TTLL1: variants seen among roughly 807,000 people sequenced by gnomAD.
TTLL1 encodes the protein polyglutamylase complex subunit TTLL1.
TTLL1 carries 33 observed loss-of-function variants against 47.8 expected under a neutral mutation model. That is an observed-to-expected ratio of 0.69 (90% CI 0.52 to 0.92). TTLL1 has a LOEUF of 0.92. Ranked by LOEUF, TTLL1 falls within the 40% of genes least tolerant of loss-of-function variation. The pLI is 0.00. For missense variants in TTLL1, 488 were observed against 547.5 expected, an observed-to-expected ratio of 0.89 and a Z score of 1.08; for synonymous variants, 225 against 214.1, an observed-to-expected ratio of 1.05 and a Z score of -0.45.
At position 43,066,266 on chromosome 22, in the gene TTLL1, T is replaced by C. The variant is rs191496283; in HGVS notation, c.504-1942A>G. On this transcript the variant is annotated intron_variant, in intron 5 of 10. Coordinates refer to ENST00000266254, the MANE Select transcript of TTLL1 (RefSeq NM_012263.5). ...GCAACACGCTCCCGGCCTCTCACTG[T>C]GAGGGGCTGGGTCATCAGGAAGGAA... 6.6e-5 allele frequency among the ~76,000 whole-genome samples: 10 copies of C among 151,284 alleles called. No homozygotes were observed. In the East Asian group the frequency reaches 9.7e-4, roughly 15 times the overall value.
chr22:43,051,866 G>A lies in TTLL1; in HGVS notation c.913C>T (p.His305Tyr). Residue 305 changes from histidine to tyrosine, a missense_variant, in exon 9 of 11, where the codon CAC becomes TAC. Physicochemically the swap from His to Tyr is moderately conservative, Grantham distance 83. Coordinates refer to ENST00000266254, the MANE Select transcript of TTLL1 (RefSeq NM_012263.5). ...TCGTAGCCATAGCATTCAAAGCAGT[G>A]CTTGTCATTGTTCATCACCGGCTGG... ...AVAPVMNNDK[H>Y]CFECYGYDII... 6.2e-7 allele frequency: 1 copy of A among 1,613,980 alleles called. No homozygotes were observed. The highest frequency in any genetic ancestry group is 8.5e-7 in the Non-Finnish European group (1 of 1,179,986).
Position 43,069,618 on chromosome 22 carries a change from G to A in TTLL1, c.322+18C>T, listed in dbSNP as rs770858586. The A allele has an allele frequency of 1.7e-5, 28 of 1,613,818 alleles. No homozygotes were observed. The highest frequency in any genetic ancestry group is 6.7e-5 in the Admixed American group (4 of 59,956). Reference sequence around the variant, plus strand: ...CAGCTGTTTACTGAAAACATGAGCCGGTGGAAGACGCACAAACCCAGATAG... The same window carrying A: ...CAGCTGTTTACTGAAAACATGAGCCAGTGGAAGACGCACAAACCCAGATAG... On this transcript the variant is annotated intron_variant, in intron 4 of 10. Coordinates refer to ENST00000266254, the MANE Select transcript of TTLL1 (RefSeq NM_012263.5).
At chr22:43,052,169 C>T (rs1926684233) in intron 8 of TTLL1, 6 of 427,602 alleles carry the variant, frequency 1.4e-5, no homozygotes, top group Admixed American at 1.0e-4. Flanking sequence ...CCTCTGTTGG[C>T]GTGAGACTGT....
At chr22:43,077,845 G>A (rs146465596) in intron 2 of TTLL1, among the ~76,000 whole-genome samples, 3,306 of 152,238 alleles carry the variant, frequency 0.022, 141 homozygotes, top group African/African-American at 0.075. Flanking sequence ...GGTGGCTCAC[G>A]CCTATAATCC....
At chr22:43,051,107 C>T (rs1053441730) in intron 9 of TTLL1, among the ~76,000 whole-genome samples, 2 of 152,218 alleles carry the variant, frequency 1.3e-5, no homozygotes, top group Admixed American at 6.5e-5. Flanking sequence ...GTTGGGAGGG[C>T]GTGCAGGGAG....
At position 43,039,872 on chromosome 22, in the gene TTLL1, A is replaced by G. The variant is rs1419341204; in HGVS notation, c.1176T>C (p.Ala392=). 8 of 1,613,878 alleles carry G rather than the reference A, an allele frequency of 5.0e-6. No homozygotes were observed. In the East Asian group the frequency reaches 1.8e-4, roughly 36 times the overall value. Reference sequence around the variant, plus strand: ...CCTGACGGCTTCTCAGCTCCCGGTCAGCCCCGTCACCCTGGGCCAATTCTT... The same window carrying G: ...CCTGACGGCTTCTCAGCTCCCGGTCGGCCCCGTCACCCTGGGCCAATTCTT... ...YDEELAQGDG[A]DRELRSRQGQ... The change falls in exon 11 of 11, where the codon GCT becomes GCC. Residue 392 remains alanine (A), a synonymous_variant. Coordinates refer to ENST00000266254, the MANE Select transcript of TTLL1 (RefSeq NM_012263.5).
rs1167618669 is a variant in TTLL1 at position 43,088,324 on chromosome 22, C to CTTTTTTTTTTTTTT, written c.-90+939_-90+952dup. On this transcript the variant is annotated intron_variant, in intron 1 of 10. Coordinates refer to ENST00000266254, the MANE Select transcript of TTLL1 (RefSeq NM_012263.5). ...AATTTGAGGGCAGAGAAGGGCCCAT[C>CTTTTTTTTTTTTTT]TTTTTTTTTTTTTTTTTTTTTTTTT... Among the ~76,000 whole-genome samples, 14 of 56,490 alleles carry CTTTTTTTTTTTTTT rather than the reference C, an allele frequency of 2.5e-4. 1 individual carries two copies. The highest frequency in any genetic ancestry group is 1.0e-3 in the African/African-American group (14 of 13,662). 37.1% of individuals were successfully genotyped at this position (56,490 alleles called of 152,430 possible). A position where few individuals can be genotyped will look rare whatever the true frequency, so the allele number is the denominator to read the frequency against.
chr22:43,059,574 G>T, intron 7 of TTLL1, 47 bp from the exon 8 acceptor site: 2 of 1,575,750 alleles, frequency 1.3e-6, no homozygotes, highest in South Asian at 1.2e-5. Flanking sequence ...ATGCACCCCA[G>T]AGGAACCCAG....
At chr22:43,063,160 G>C (rs144779499) in intron 7 of TTLL1, among the ~76,000 whole-genome samples, 86 of 152,262 alleles carry the variant, frequency 5.6e-4, no homozygotes, top group South Asian at 3.7e-3. Context: ...TCCTCCCACA[G>C]TCCCGCCAGG....
At position 43,064,344 on chromosome 22, in the gene TTLL1, T is replaced by C; in HGVS notation, c.504-20A>G. The C allele has an allele frequency of 1.2e-6, 2 of 1,602,738 alleles. No individual in the cohort carries two copies. Among genetic ancestry groups the C allele is most frequent in the Non-Finnish European group, 1.7e-6 (2 of 1,175,120 alleles). ...ACAAACCTAAACATGGCAGAGAAAG[T>C]AAAAATTAGATGGTAAAAGATGCAA... On this transcript the variant is annotated intron_variant, in intron 5 of 10. Coordinates refer to ENST00000266254, the MANE Select transcript of TTLL1 (RefSeq NM_012263.5).
At chr22:43,070,126 A>G (rs1248163619) in intron 3 of TTLL1, 2 of 1,395,288 alleles carry the variant, frequency 1.4e-6, no homozygotes, top group Non-Finnish European at 2.0e-6. Flanking sequence ...TTGATTAGTG[A>G]TAACACGGAT....
intron 2 of TTLL1, among the ~76,000 whole-genome samples, chr22:43,077,759 T>C (rs1392439650): frequency 1.3e-5 from 2 of 152,126 alleles, no homozygotes; most frequent in African/African-American, 2.4e-5. Flanking sequence ...CTCCCCACCC[T>C]GGCAACCCCC....
intron 10 of TTLL1, 136 bp downstream of exon 10, chr22:43,046,273 TC>T: frequency 1.1e-6 from 1 of 896,020 alleles, no homozygotes; most frequent in South Asian, 1.8e-5. Flanking sequence ...ACAAGATCTA[TC>T]CCATCATGTC....
chr22:43,050,348 G>A (rs5759119), intron 9 of TTLL1, among the ~76,000 whole-genome samples: 12,099 of 151,214 alleles, frequency 0.08, 836 homozygotes, highest in East Asian at 0.41. Flanking sequence ...CCCGGGAGGC[G>A]GAGGTTGCAG....
At position 43,082,865 on chromosome 22, in the gene TTLL1, T is replaced by A. The variant is rs187926201; in HGVS notation, c.-89-2879A>T. 1.2e-4 allele frequency among the ~76,000 whole-genome samples: 18 copies of A among 150,458 alleles called. No homozygotes were observed. The Middle Eastern group carries it at 0.01, about 87-fold the overall frequency. On this transcript the variant is annotated intron_variant, in intron 1 of 10. Transcript: ENST00000266254. The stretch of plus-strand genomic sequence containing the variant: ...CCCGTCTCTACTAAAAATACAAAAA[T>A]TAGCTGGGCATGGTGGCGGGCGCCT...
At chr22:43,062,391 T>A (rs1301968499) in intron 7 of TTLL1, among the ~76,000 whole-genome samples, 1 of 151,116 alleles carries the variant, frequency 6.6e-6, no homozygotes, top group Admixed American at 6.6e-5. Context: ...CTCAGGAGGC[T>A]GAGGCAGGAG....
intron 8 of TTLL1, among the ~76,000 whole-genome samples, chr22:43,057,153 C>A (rs1036144257): frequency 8.6e-5 from 13 of 151,978 alleles, no homozygotes; most frequent in African/African-American, 2.7e-4. Context: ...GCCTGTAATC[C>A]CAGCTACTTG....
intron 1 of TTLL1, among the ~76,000 whole-genome samples, chr22:43,081,318 G>A (rs909400329): frequency 6.6e-6 from 1 of 152,056 alleles, no homozygotes; most frequent in South Asian, 2.1e-4. Context: ...CACAGGCAAG[G>A]CCCTCAGTAA....
At chr22:43,053,536 T>G (rs1926790749) in intron 8 of TTLL1, among the ~76,000 whole-genome samples, 1 of 152,150 alleles carries the variant, frequency 6.6e-6, no homozygotes. Context: ...GCTGCCTGCA[T>G]TGCGTAGCTC....
Sources: allele counts gnomAD v4.1 joint callset (sites outside exome capture counted in the v4.1 genomes callset), GRCh38; gene constraint gnomAD v4.1.1; transcripts MANE v1.5; gene names NCBI Gene and HGNC (gene_info 2026-07-23, HGNC 2026-07-21).